CDH13: variants seen among roughly 807,000 people sequenced by gnomAD.
CDH13 encodes cadherin 13, also known as cadherin-13.
Under a neutral mutation model 63.8 loss-of-function variants are expected in CDH13, and 24 were observed. The ratio of observed to expected loss-of-function variants is 0.38; its 90% CI spans 0.27 to 0.53. The LOEUF is 0.53. Among genes scored for constraint, CDH13 ranks in the 20% least tolerant of loss-of-function variants. The pLI, the probability that CDH13 is intolerant of heterozygous loss-of-function variation, is 0.85. For synonymous variants in CDH13, 503 were observed against 355.3 expected, an observed-to-expected ratio of 1.42 and a Z score of -4.67; for missense variants, 1,049 against 903.1, an observed-to-expected ratio of 1.16 and a Z score of -2.07.
At chr16:83,483,793 G>T (rs1192613470) in intron 6 of CDH13, among the ~76,000 whole-genome samples, 2 of 152,148 alleles carry the variant, frequency 1.3e-5, no homozygotes, top group Non-Finnish European at 2.9e-5. Context: ...AGTTTGCCTA[G>T]ATCAGGAAGT....
In CDH13 at chr16:83,045,240, A is replaced by T. The variant is rs532132629; in HGVS notation, c.366+13022A>T. On this transcript the variant is annotated intron_variant, in intron 3 of 13. Coordinates refer to ENST00000567109, the MANE Select transcript of CDH13 (RefSeq NM_001257.5). ...GCAAGTAGACAAGTCCTGTGTCATC[A>T]TGACCCATTAATAAAACTTTCCTCG... Among the ~76,000 whole-genome samples the T allele has an allele frequency of 3.3e-5, 5 of 152,320 alleles. 1 individual carries two copies. Among genetic ancestry groups the T allele is most frequent in the Admixed American group, 2.0e-4 (3 of 15,304 alleles).
intron 1 of CDH13, among the ~76,000 whole-genome samples, chr16:82,785,276 C>T (rs2035951487): frequency 1.3e-5 from 2 of 152,154 alleles, no homozygotes; most frequent in African/African-American, 2.4e-5. Context: ...CCCAGGTATG[C>T]AGGCTTGGCA....
intron 1 of CDH13, among the ~76,000 whole-genome samples, chr16:82,670,391 C>G (rs977413617): frequency 6.6e-6 from 1 of 152,198 alleles, no homozygotes; most frequent in Non-Finnish European, 1.5e-5. Context: ...TTCTCCTTCA[C>G]GCACCTATGG....
intron 4 of CDH13, among the ~76,000 whole-genome samples, chr16:83,195,180 T>G (rs1401077161): frequency 6.6e-6 from 1 of 152,166 alleles, no homozygotes; most frequent in African/African-American, 2.4e-5. Flanking sequence ...GAGAGTCCAT[T>G]ATGATTGAAG....
chr16:83,000,389 C>T (rs1212499499), intron 2 of CDH13, among the ~76,000 whole-genome samples: 1 of 150,580 alleles, frequency 6.6e-6, no homozygotes, highest in East Asian at 2.0e-4. Flanking sequence ...GCTGGGATTA[C>T]AGGCGCCCGC....
At chr16:83,367,880 T>C in intron 6 of CDH13, among the ~76,000 whole-genome samples, 1 of 152,234 alleles carries the variant, frequency 6.6e-6, no homozygotes, top group Admixed American at 6.5e-5. Context: ...TGGAAGAGTA[T>C]TGTCAGCTTA....
chr16:82,634,952 C>A (rs554207388), intron 1 of CDH13, among the ~76,000 whole-genome samples: 1 of 152,330 alleles, frequency 6.6e-6, no homozygotes, highest in African/African-American at 2.4e-5. Flanking sequence ...GCTCATAAGG[C>A]AGACTGAGTC....
At chr16:83,287,256 C>T (rs538663487) in intron 5 of CDH13, among the ~76,000 whole-genome samples, 3 of 152,262 alleles carry the variant, frequency 2.0e-5, no homozygotes, top group African/African-American at 7.2e-5. Flanking sequence ...GCTGATGAAG[C>T]CAGAGAGGCA....
At chr16:82,915,206 A>G (rs1399118020) in intron 2 of CDH13, among the ~76,000 whole-genome samples, 6 of 152,234 alleles carry the variant, frequency 3.9e-5, no homozygotes, top group Non-Finnish European at 5.9e-5. Context: ...TGTGTTTTCA[A>G]TTGTCCTTTT....
At chr16:83,686,531 C>T (rs1386168256) in intron 10 of CDH13, among the ~76,000 whole-genome samples, 1 of 152,160 alleles carries the variant, frequency 6.6e-6, no homozygotes, top group Non-Finnish European at 1.5e-5. Flanking sequence ...CTTTAGCAGG[C>T]TAAACCTAAT....
intron 6 of CDH13, among the ~76,000 whole-genome samples, chr16:83,435,737 C>T (rs1182444823): frequency 2.6e-5 from 4 of 152,132 alleles, no homozygotes; most frequent in African/African-American, 4.8e-5. Flanking sequence ...TTGCTGTGTC[C>T]CTAGGAGAGG....
Position 82,835,275 on chromosome 16 carries a change from T to C in CDH13, c.46-23087T>C, listed in dbSNP as rs143593644. 9.1e-4 allele frequency among the ~76,000 whole-genome samples: 138 copies of C among 152,348 alleles called. 2 individuals carry two copies. In the East Asian group the frequency reaches 0.023, roughly 26 times the overall value. ...GCACATGTGACCGGTGGCTGCCGCA[T>C]TGGACAGTGGCAGCTCTAGAGAGCT... is the stretch of plus-strand genomic sequence containing the variant. On this transcript the variant is annotated intron_variant, in intron 1 of 13. Coordinates refer to ENST00000567109, the MANE Select transcript of CDH13 (RefSeq NM_001257.5).
chr16:83,014,776 G>A (rs60470771), intron 2 of CDH13, among the ~76,000 whole-genome samples: 5,648 of 36,966 alleles, frequency 0.15, 906 homozygotes, highest in East Asian at 0.4. Flanking sequence ...ATATATATAT[G>A]TATATATATA....
intron 8 of CDH13, among the ~76,000 whole-genome samples, chr16:83,628,830 A>T (rs571713495): frequency 2.6e-4 from 40 of 152,346 alleles, no homozygotes; most frequent in African/African-American, 9.1e-4. Context: ...AAATTGCTCA[A>T]TCTGTCTAAA....
intron 5 of CDH13, among the ~76,000 whole-genome samples, chr16:83,328,110 G>A (rs1054824991): frequency 1.3e-4 from 17 of 135,014 alleles, no homozygotes; most frequent in Non-Finnish European, 2.3e-4. Context: ...TCCAGCCCAG[G>A]AGACAGTATT....
intron 10 of CDH13, among the ~76,000 whole-genome samples, chr16:83,680,240 C>G (rs1915294987): frequency 1.3e-5 from 2 of 152,146 alleles, no homozygotes; most frequent in Non-Finnish European, 2.9e-5. Context: ...GTCACTCGGC[C>G]CATGGTCACA....
intron 11 of CDH13, among the ~76,000 whole-genome samples, chr16:83,752,898 G>C (rs1371365927): frequency 6.6e-6 from 1 of 152,208 alleles, no homozygotes; most frequent in African/African-American, 2.4e-5. Context: ...AGCCAGGAAT[G>C]ATCCTTCCAT....
chr16:83,299,889 A>G (rs1395892498), intron 5 of CDH13, among the ~76,000 whole-genome samples: 2 of 152,214 alleles, frequency 1.3e-5, no homozygotes, highest in Non-Finnish European at 2.9e-5. Context: ...TGGAGGCCTC[A>G]GGCTGTAATC....
intron 5 of CDH13, among the ~76,000 whole-genome samples, chr16:83,296,955 G>A (rs1567572317): frequency 6.6e-6 from 1 of 152,140 alleles, no homozygotes; most frequent in Non-Finnish European, 1.5e-5. Context: ...AGAGCCATTG[G>A]GGACTTTCTA....
Sources: allele counts gnomAD v4.1 joint callset (sites outside exome capture counted in the v4.1 genomes callset), GRCh38; gene constraint gnomAD v4.1.1; transcripts MANE v1.5; gene names NCBI Gene and HGNC (gene_info 2026-07-23, HGNC 2026-07-21).